Variants in EVL observed in about 807,000 individuals in gnomAD.
EVL encodes Enah/Vasp-like.
In EVL, 21 loss-of-function variants were observed where a neutral mutation model predicts 59.6. The ratio of observed to expected loss-of-function variants is 0.35; its 90% CI spans 0.25 to 0.51. The LOEUF (loss-of-function observed/expected upper bound fraction) is 0.51. Ranked by LOEUF, EVL falls within the 20% of genes least tolerant of loss-of-function variation. The probability of loss-of-function intolerance (pLI) is 0.97; values close to 1 mark genes in which losing one functional copy is unlikely to be tolerated. For synonymous variants in EVL, 198 were observed against 203.5 expected (o/e 0.97, Z 0.23); for missense variants, 462 against 546.6 (o/e 0.85, Z 1.54).
At chr14:99,996,143 G>A (rs1195328570) in intron 1 of EVL, among the ~76,000 whole-genome samples, 1 of 149,446 alleles carries the variant, frequency 6.7e-6, no homozygotes, top group Non-Finnish European at 1.5e-5. Flanking sequence ...ATCCAAGAAA[G>A]AAGGGATTTG....
At chr14:100,071,612 A>G (rs988208056) in intron 1 of EVL, among the ~76,000 whole-genome samples, 4 of 152,222 alleles carry the variant, frequency 2.6e-5, no homozygotes, top group Non-Finnish European at 5.9e-5. Flanking sequence ...TGGCATCCTC[A>G]ATAATTGAGT....
intron 1 of EVL, among the ~76,000 whole-genome samples, chr14:100,078,350 G>A (rs965195590): frequency 1.3e-5 from 2 of 152,136 alleles, no homozygotes; most frequent in Non-Finnish European, 1.5e-5. Flanking sequence ...CACAGAGAGC[G>A]AAGTGGAATG....
intron 1 of EVL, among the ~76,000 whole-genome samples, chr14:100,082,469 C>T (rs748010313): frequency 3.3e-5 from 5 of 152,108 alleles, no homozygotes; most frequent in Non-Finnish European, 5.9e-5. Context: ...CTGCAGAGCA[C>T]CCTGTGTGAC....
intron 1 of EVL, among the ~76,000 whole-genome samples, chr14:99,976,453 A>G (rs1211301597): frequency 6.6e-6 from 1 of 151,938 alleles, no homozygotes; most frequent in East Asian, 1.9e-4. Flanking sequence ...CTTAAAGTCC[A>G]TGTTCAATTA....
exon 1 of EVL, chr14:99,971,904 G>A (rs1192546960): frequency 6.8e-6 from 1 of 146,894 alleles, no homozygotes; most frequent in Non-Finnish European, 1.5e-5. Flanking sequence ...GAGAAGATGA[G>A]CCCCCGCTGC....
intron 1 of EVL, among the ~76,000 whole-genome samples, chr14:99,981,957 C>T (rs377496164): frequency 7.9e-5 from 12 of 152,298 alleles, no homozygotes; most frequent in Non-Finnish European, 1.2e-4. Flanking sequence ...ATGAATGTAT[C>T]GCAAGTGCTG....
At chr14:100,064,352 G>A (rs537219129), upstream of EVL, among the ~76,000 whole-genome samples, 8 of 152,310 alleles carry the variant, frequency 5.3e-5, no homozygotes, top group South Asian at 1.7e-3. Context: ...CACAGTGCAT[G>A]CTTCTTAGTG....
Position 100,097,461 on chromosome 14 carries a change from C to G in EVL, c.181-20C>G, listed in dbSNP as rs774374990. 9 of 1,588,038 alleles carry G rather than the reference C, an allele frequency of 5.7e-6. No homozygotes were observed. Among genetic ancestry groups the G allele is most frequent in the Middle Eastern group, 1.7e-4 (1 of 5,938 alleles). On this transcript the variant is annotated intron_variant, in intron 2 of 13. Transcript: ENST00000392920. ...ACATTTTATTTATTTACACGTATTTCTCTCTCCTTTCTCCTCCAGGTTGTG... is the reference window on the plus strand; with the variant it reads ...ACATTTTATTTATTTACACGTATTTGTCTCTCCTTTCTCCTCCAGGTTGTG...
chr14:100,085,005 C>A (rs1232061399), intron 2 of EVL, 150 bp downstream of exon 2: 3 of 762,656 alleles, frequency 3.9e-6, no homozygotes, highest in Non-Finnish European at 2.1e-6. Context: ...ACTCCATATC[C>A]TCATAGTTCA....
At chr14:100,118,504 C>G (rs1054768570) in intron 3 of EVL, among the ~76,000 whole-genome samples, 1 of 152,222 alleles carries the variant, frequency 6.6e-6, no homozygotes, top group African/African-American at 2.4e-5. Context: ...CATGTCCCTG[C>G]TTGCAGAATA....
intron 9 of EVL, chr14:100,137,362 T>C: frequency 1.7e-6 from 1 of 593,122 alleles, no homozygotes. Flanking sequence ...AGTGAAGGGC[T>C]CAGAACCAGA....
chr14:99,990,726 G>A (rs2060870172), intron 1 of EVL, among the ~76,000 whole-genome samples: 1 of 152,144 alleles, frequency 6.6e-6, no homozygotes, highest in Non-Finnish European at 1.5e-5. Context: ...TATAGAGAGA[G>A]AGATGCTACT....
At chr14:100,132,869 G>C in intron 8 of EVL, 90 bp downstream of exon 8, 2 of 1,425,776 alleles carry the variant, frequency 1.4e-6, no homozygotes, top group Non-Finnish European at 2.0e-6. Context: ...AGGCCTTTGG[G>C]ACATGCGTGG....
In EVL at chr14:100,097,590, A is replaced by G. The variant is rs753542819; in HGVS notation, c.290A>G (p.Lys97Arg). Residue 97 changes from lysine to arginine, a missense_variant, in exon 3 of 14, where the codon AAA becomes AGA. Lys to Arg is a conservative substitution (Grantham distance 26). Coordinates refer to ENST00000392920, the MANE Select transcript of EVL (RefSeq NM_016337.3). ...GTCTACGGCTTAAACTTTGCAAGTA[A>G]AGAAGAGGCAACCACGTTCTCCAAT... ...RQVYGLNFAS[K>R]EEATTFSNAM... The G allele has an allele frequency of 2.5e-6, 4 of 1,614,208 alleles. No homozygotes were observed. The South Asian group carries it at 3.3e-5, about 13-fold the overall frequency.
At chr14:99,980,846 T>C (rs2140170234) in intron 1 of EVL, among the ~76,000 whole-genome samples, 1 of 152,364 alleles carries the variant, frequency 6.6e-6, no homozygotes, top group Non-Finnish European at 1.5e-5. Flanking sequence ...TATTTTGAAT[T>C]TTGCTGGTTT....
chr14:100,138,072 C>T (rs1489866106), intron 11 of EVL: 9 of 568,736 alleles, frequency 1.6e-5, no homozygotes, highest in African/African-American at 3.8e-5. Context: ...AGTCCCAGCT[C>T]TGGACTCACT....
At chr14:100,018,104 T>G (rs1305463139) in intron 1 of EVL, among the ~76,000 whole-genome samples, 1 of 152,256 alleles carries the variant, frequency 6.6e-6, no homozygotes, top group Non-Finnish European at 1.5e-5. Flanking sequence ...AGAAATTAAC[T>G]TCACACATTC....
intron 1 of EVL, among the ~76,000 whole-genome samples, chr14:100,077,838 T>C (rs1421226299): frequency 1.3e-5 from 2 of 152,172 alleles, no homozygotes; most frequent in Non-Finnish European, 2.9e-5. Context: ...AATGGCGCAA[T>C]CTCGGCTCAC....
chr14:100,099,857 G>A (rs912024890), intron 3 of EVL, among the ~76,000 whole-genome samples: 3 of 151,680 alleles, frequency 2.0e-5, no homozygotes, highest in Non-Finnish European at 2.9e-5. Flanking sequence ...ACAGGCGTGA[G>A]CCACTGCGCC....
Sources: gnomAD v4.1 joint callset for allele counts (sites outside exome capture counted in the v4.1 genomes callset) on GRCh38, gnomAD v4.1.1 for gene constraint, MANE v1.5 for transcripts, NCBI Gene and HGNC (gene_info 2026-07-23, HGNC 2026-07-21) for gene names.